TPD52: variants seen among roughly 807,000 people sequenced by gnomAD.
TPD52 encodes tumor protein D52, also known as prostate and colon associated protein.
In TPD52, 17 loss-of-function variants were observed where a neutral mutation model predicts 31.3. That is an observed-to-expected ratio of 0.54 (90% confidence interval 0.37 to 0.82). TPD52 has a LOEUF of 0.82. Ranked by LOEUF, TPD52 falls within the 40% of genes least tolerant of loss-of-function variation. TPD52 has a pLI of 0.00. For synonymous variants in TPD52, 83 were observed against 89.6 expected (o/e 0.93, Z 0.42); for missense variants, 212 against 240.1 (o/e 0.88, Z 0.77).
chr8:80,072,243 G>A (rs1320738390), intron 1 of TPD52, among the ~76,000 whole-genome samples: 2 of 152,268 alleles, frequency 1.3e-5, no homozygotes, highest in Non-Finnish European at 2.9e-5. Flanking sequence ...GGGAGGCAGA[G>A]GTTGCAGTGA....
In TPD52 at chr8:80,058,425, G is replaced by C. The variant is rs77030477; in HGVS notation, c.136-4995C>G. Among the ~76,000 whole-genome samples the C allele has an allele frequency of 3.7e-3, 570 of 152,360 alleles. 7 individuals carry two copies. The highest frequency in any genetic ancestry group is 0.013 in the African/African-American group (535 of 41,590). On this transcript the variant is annotated intron_variant, in intron 2 of 7. Coordinates refer to ENST00000518937, the MANE Select transcript of TPD52 (RefSeq NM_001025253.3). ...AGCAATTTAAAATGAGGTTGCACAA[G>C]AGTATATTGGCATAAAAATGTTTTT... is the stretch of plus-strand genomic sequence containing the variant.
intron 1 of TPD52, among the ~76,000 whole-genome samples, chr8:80,143,746 T>C (rs2131156986): frequency 6.6e-6 from 1 of 152,258 alleles, no homozygotes; most frequent in Admixed American, 6.5e-5. Context: ...ACTAAGAAAG[T>C]AGAAACAATG....
At position 80,094,447 on chromosome 8, in the gene TPD52, T is replaced by TAC. The variant is rs1434958350; in HGVS notation, c.20-29855_20-29854insGT. ...AGAAAATTTTATATATATATATATA[T>TAC]ATATATATATATATATATATATATA... On this transcript the variant is annotated intron_variant, in intron 1 of 7. Coordinates refer to ENST00000518937, the MANE Select transcript of TPD52 (RefSeq NM_001025253.3). Among the ~76,000 whole-genome samples the TAC allele has an allele frequency of 3.3e-4, 18 of 54,436 alleles. No homozygotes were observed. The East Asian group carries it at 5.0e-3, about 15-fold the overall frequency. The allele number at this position is 54,436 out of a possible 152,430, so 35.7% of individuals were successfully genotyped here.
chr8:80,170,875 A>G (rs930206202), intron 1 of TPD52: 8 of 256,284 alleles, frequency 3.1e-5, no homozygotes, highest in African/African-American at 1.7e-4. Flanking sequence ...ACCCACAGAC[A>G]CCACTCCACA....
At position 80,051,566 on chromosome 8, in the gene TPD52, G is replaced by C; in HGVS notation, c.347C>G (p.Ser116Cys). Residue 116 changes from serine to cysteine, a missense_variant, in exon 4 of 8, where the codon TCT becomes TGT. Physicochemically the swap from Ser to Cys is moderately radical, Grantham distance 112. Transcript: ENST00000518937. ...CTTTTTGGTGATGACTGAGCCAACA[G>C]ACGAAAAAGCAGCTGAGGCCTTCTG... ...AGQKASAAFS[S>C]VGSVITKKLE... The C allele has an allele frequency of 6.2e-7, 1 of 1,613,552 alleles. No homozygotes were observed. The highest frequency in any genetic ancestry group is 1.3e-5 in the African/African-American group (1 of 74,986).
intron 1 of TPD52, among the ~76,000 whole-genome samples, chr8:80,107,421 A>T (rs1037599608): frequency 6.6e-6 from 1 of 152,232 alleles, no homozygotes; most frequent in Non-Finnish European, 1.5e-5. Context: ...AGGACCTCAG[A>T]GCAAGATGAG....
At chr8:80,033,597 CA>C (rs1455096360), downstream of TPD52, among the ~76,000 whole-genome samples, 1 of 152,184 alleles carries the variant, frequency 6.6e-6, no homozygotes, top group African/African-American at 2.4e-5. Flanking sequence ...GCAAGCCAGC[CA>C]GGAACATGTT....
At position 80,086,650 on chromosome 8, in the gene TPD52, G is replaced by T. The variant is rs2130860492; in HGVS notation, c.20-22057C>A. On this transcript the variant is annotated intron_variant, in intron 1 of 7. Coordinates refer to ENST00000518937, the MANE Select transcript of TPD52 (RefSeq NM_001025253.3). Reference sequence around the variant, plus strand: ...GCACTTTGGGAGACCAAGGCAGGCAGATCACCTGACATCAAGAGTTCGAGA... The same window carrying T: ...GCACTTTGGGAGACCAAGGCAGGCATATCACCTGACATCAAGAGTTCGAGA... Among the ~76,000 whole-genome samples, 3 of 151,992 alleles carry T rather than the reference G, an allele frequency of 2.0e-5. No homozygotes were observed. In the South Asian group the frequency reaches 6.2e-4, roughly 32 times the overall value.
chr8:80,093,664 G>A (rs1199116037), intron 1 of TPD52, among the ~76,000 whole-genome samples: 2 of 152,032 alleles, frequency 1.3e-5, no homozygotes, highest in African/African-American at 4.8e-5. Context: ...CTTTTAAACT[G>A]TAATAAGCTA....
At chr8:80,171,228 T>A (rs1397105561) in intron 1 of TPD52, 197 bp downstream of exon 1, 3 of 729,884 alleles carry the variant, frequency 4.1e-6, no homozygotes, top group Non-Finnish European at 7.3e-6. Flanking sequence ...CAGTCCCATC[T>A]GCCCCCGCCA....
chr8:80,065,142 T>C (rs1283821204), intron 1 of TPD52, among the ~76,000 whole-genome samples: 3 of 152,046 alleles, frequency 2.0e-5, no homozygotes, highest in African/African-American at 2.4e-5. Context: ...GTTCTTTTTT[T>C]GTTGTTTGTT....
chr8:80,111,674 G>A (rs537802211), intron 1 of TPD52, among the ~76,000 whole-genome samples: 1 of 152,258 alleles, frequency 6.6e-6, no homozygotes, highest in East Asian at 1.9e-4. Context: ...TAAAGAATTT[G>A]TACAAATGCA....
At chr8:80,106,382 G>A (rs943702243) in intron 1 of TPD52, among the ~76,000 whole-genome samples, 5 of 152,096 alleles carry the variant, frequency 3.3e-5, no homozygotes, top group African/African-American at 1.2e-4. Context: ...TTTTGAGACA[G>A]AGTCTTGCTC....
At chr8:80,070,087 T>C (rs1464767425) in intron 1 of TPD52, among the ~76,000 whole-genome samples, 1 of 152,194 alleles carries the variant, frequency 6.6e-6, no homozygotes, top group African/African-American at 2.4e-5. Flanking sequence ...TGCCACATAC[T>C]TTCACAAATT....
chr8:80,082,847 T>C (rs1815433630), intron 1 of TPD52, among the ~76,000 whole-genome samples: 2 of 152,274 alleles, frequency 1.3e-5, no homozygotes, highest in Non-Finnish European at 2.9e-5. Flanking sequence ...AGATGTTACA[T>C]GCCTTATTAA....
rs968710004 is a variant in TPD52, at chr8:80,076,863, G to A, written c.20-12270C>T. ...ATTCTTTTACTTTTGGTAGAGATGG[G>A]GTTTCACCATGATGGCTGGTCACAA... On this transcript the variant is annotated intron_variant, in intron 1 of 7. Coordinates refer to ENST00000518937, the MANE Select transcript of TPD52 (RefSeq NM_001025253.3). Among the ~76,000 whole-genome samples the A allele has an allele frequency of 3.9e-5, 6 of 152,064 alleles. No homozygotes were observed. The East Asian group carries it at 7.8e-4, about 20-fold the overall frequency.
chr8:80,161,732 A>ATT lies in TPD52; in HGVS notation c.19+9691_19+9692dup, dbSNP rs869141433. On this transcript the variant is annotated intron_variant, in intron 1 of 7. Coordinates refer to ENST00000518937, the MANE Select transcript of TPD52 (RefSeq NM_001025253.3). ...CACATTTATATATATATATATATAT[A>ATT]TTTTTTTTTTTTTCTGAGACAGAGT... Among the ~76,000 whole-genome samples, 440 of 72,496 alleles carry ATT rather than the reference A, an allele frequency of 6.1e-3. 1 individual carries two copies. Among genetic ancestry groups the ATT allele is most frequent in the South Asian group, 0.023 (63 of 2,710 alleles). 47.6% of individuals were successfully genotyped at this position (72,496 alleles called of 152,430 possible).
At chr8:80,108,244 C>T (rs1807266526) in intron 1 of TPD52, among the ~76,000 whole-genome samples, 1 of 152,072 alleles carries the variant, frequency 6.6e-6, no homozygotes, top group African/African-American at 2.4e-5. Flanking sequence ...TAACTCTGTT[C>T]AATATCTCAT....
intron 1 of TPD52, among the ~76,000 whole-genome samples, chr8:80,120,061 A>G (rs893277730): frequency 6.6e-6 from 1 of 152,188 alleles, no homozygotes; most frequent in African/African-American, 2.4e-5. Context: ...AGCACAAGTT[A>G]AAAGACAAGT....
Sources: gnomAD v4.1 joint callset for allele counts (sites outside exome capture counted in the v4.1 genomes callset) on GRCh38, gnomAD v4.1.1 for gene constraint, MANE v1.5 for transcripts, NCBI Gene and HGNC (gene_info 2026-07-23, HGNC 2026-07-21) for gene names.